Variants in MYO1H observed in about 807,000 individuals in gnomAD.
MYO1H encodes myosin IH, also known as unconventional myosin-Ih.
Under a neutral mutation model 149.3 loss-of-function variants are expected in MYO1H, and 118 were observed. That is an observed-to-expected ratio of 0.79 (90% CI 0.68 to 0.92). The LOEUF is 0.92. Ranked by LOEUF, MYO1H falls within the 40% of genes least tolerant of loss-of-function variation. The pLI is 0.00. For synonymous variants in MYO1H, 447 were observed against 465.2 expected (o/e 0.96, Z 0.50); for missense variants, 1,212 against 1,280.7 (o/e 0.95, Z 0.82).
At chr12:109,390,008 A>G (rs1869574720) in intron 2 of MYO1H, among the ~76,000 whole-genome samples, 1 of 152,220 alleles carries the variant, frequency 6.6e-6, no homozygotes, top group South Asian at 2.1e-4. Context: ...AGCATGGTAC[A>G]GAGAAGTACA....
chr12:109,442,357 C>T, intron 27 of MYO1H, 85 bp downstream of exon 27: 1 of 1,195,350 alleles, frequency 8.4e-7, no homozygotes, highest in Admixed American at 1.8e-5. Flanking sequence ...AAAGGGCGCA[C>T]TATTTAAATG....
intron 16 of MYO1H, among the ~76,000 whole-genome samples, chr12:109,422,840 G>C (rs11066542): frequency 3.3e-5 from 5 of 152,026 alleles, no homozygotes; most frequent in Non-Finnish European, 7.4e-5. Context: ...TTGAAAGTCC[G>C]AGGTGGGTGG....
intron 1 of MYO1H, among the ~76,000 whole-genome samples, chr12:109,354,701 G>T (rs1868548085): frequency 6.6e-6 from 1 of 151,992 alleles, no homozygotes; most frequent in South Asian, 2.1e-4. Context: ...TGCCCAAGAT[G>T]TCTGCCCTTT....
chr12:109,444,762 G>A (rs1872407267), intron 30 of MYO1H, among the ~76,000 whole-genome samples: 1 of 151,898 alleles, frequency 6.6e-6, no homozygotes, highest in East Asian at 1.9e-4. Flanking sequence ...AGATACTTGG[G>A]AGGCCTGAGG....
chr12:109,438,057 C>T (rs1005035558), intron 22 of MYO1H, among the ~76,000 whole-genome samples: 2 of 139,004 alleles, frequency 1.4e-5, no homozygotes, highest in African/African-American at 5.7e-5. Context: ...CATTGCACTC[C>T]AGCTTGGGCG....
intron 8 of MYO1H, 76 bp downstream of exon 8, chr12:109,406,111 A>C: frequency 1.0e-6 from 1 of 961,470 alleles, no homozygotes; most frequent in Non-Finnish European, 1.6e-6. Context: ...GGGTGCCCAC[A>C]GTTAGGCCCA....
the MYO1H span, among the ~76,000 whole-genome samples, chr12:109,338,641 G>A: frequency 2.4e-4 from 37 of 151,792 alleles, no homozygotes; most frequent in African/African-American, 4.1e-4. Context: ...GATGGCACGC[G>A]CCTCTTATCC....
At chr12:109,380,660 G>A (rs538890874) in intron 1 of MYO1H, among the ~76,000 whole-genome samples, 1 of 152,288 alleles carries the variant, frequency 6.6e-6, no homozygotes, top group African/African-American at 2.4e-5. Flanking sequence ...GAAAACTAAG[G>A]TTAAGGCTGG....
chr12:109,411,074 A>T (rs151205997), intron 13 of MYO1H, among the ~76,000 whole-genome samples: 1 of 152,062 alleles, frequency 6.6e-6, no homozygotes, highest in South Asian at 2.1e-4. Context: ...CCCCGGAGGC[A>T]GAGGTTGCAG....
intron 1 of MYO1H, among the ~76,000 whole-genome samples, chr12:109,379,686 A>G (rs1869160296): frequency 6.6e-6 from 1 of 152,084 alleles, no homozygotes; most frequent in Non-Finnish European, 1.5e-5. Flanking sequence ...TCTACATGTA[A>G]ATTGCTTATA....
At chr12:109,341,179 A>T in the MYO1H span, among the ~76,000 whole-genome samples, 7 of 111,928 alleles carry the variant, frequency 6.3e-5, no homozygotes, top group African/African-American at 2.5e-4. Flanking sequence ...ACAGAGCGAG[A>T]CTCCATCTCG....
intron 5 of MYO1H, among the ~76,000 whole-genome samples, chr12:109,400,344 AC>A (rs1436937134): frequency 6.6e-6 from 1 of 152,130 alleles, no homozygotes; most frequent in Admixed American, 6.5e-5. Flanking sequence ...GTTGCTCCAT[AC>A]CCTTGCCAAC....
At chr12:109,312,244 G>T in the MYO1H span, among the ~76,000 whole-genome samples, 1 of 151,878 alleles carries the variant, frequency 6.6e-6, no homozygotes, top group Non-Finnish European at 1.5e-5. Flanking sequence ...ATGGAGTCTC[G>T]CTCTGTCATC....
At chr12:109,425,635 G>A (rs1871325484) in intron 17 of MYO1H, among the ~76,000 whole-genome samples, 1 of 152,188 alleles carries the variant, frequency 6.6e-6, no homozygotes, top group Non-Finnish European at 1.5e-5. Context: ...CACAAAGGAA[G>A]GTGGAAGAGA....
chr12:109,439,710 T>A, exon 24 of MYO1H: 1 of 1,613,928 alleles, frequency 6.2e-7, no homozygotes, highest in Non-Finnish European at 8.5e-7. Flanking sequence ...GCGGAAGAAT[T>A]ACATCTTGAA....
chr12:109,362,963 G>A (rs1374280365), intron 1 of MYO1H, among the ~76,000 whole-genome samples: 6 of 152,152 alleles, frequency 3.9e-5, no homozygotes, highest in African/African-American at 1.2e-4. Flanking sequence ...TAGATGCAGG[G>A]AGTGAAGTTG....
chr12:109,424,439 C>G (rs1414005239), intron 16 of MYO1H, among the ~76,000 whole-genome samples: 2 of 152,226 alleles, frequency 1.3e-5, no homozygotes, highest in African/African-American at 2.4e-5. Context: ...CAAGCCTGAG[C>G]CCCACCATTC....
At position 109,436,470 on chromosome 12, in the gene MYO1H, C is replaced by A; in HGVS notation, c.2141-18C>A. 6.3e-7 allele frequency: 1 copy of A among 1,596,530 alleles called. No homozygotes were observed. Among genetic ancestry groups the A allele is most frequent in the Non-Finnish European group, 8.6e-7 (1 of 1,168,114 alleles). On this transcript the variant is annotated intron_variant, in intron 21 of 31. Transcript: ENST00000310903. The stretch of plus-strand genomic sequence containing the variant: ...CAAATGCAAAGCCATTTCACCAAAA[C>A]GTCTGTTTTATTTTAAGTTGCAAGA...
the MYO1H span, among the ~76,000 whole-genome samples, chr12:109,332,719 A>G: frequency 6.6e-6 from 1 of 152,200 alleles, no homozygotes; most frequent in Non-Finnish European, 1.5e-5. Context: ...CTGAGACTAC[A>G]GGCACATGCC....
Sources: gnomAD v4.1 joint callset for allele counts (sites outside exome capture counted in the v4.1 genomes callset) on GRCh38, gnomAD v4.1.1 for gene constraint, MANE v1.5 for transcripts, NCBI Gene and HGNC (gene_info 2026-07-23, HGNC 2026-07-21) for gene names.